RHBDF2: variants seen among roughly 807,000 people sequenced by gnomAD.
RHBDF2 encodes the protein inactive rhomboid protein 2.
RHBDF2 carries 38 observed loss-of-function variants against 95.2 expected under a neutral mutation model. The ratio of observed to expected loss-of-function variants is 0.40; its 90% CI spans 0.31 to 0.52. The LOEUF is 0.52. Ranked by LOEUF, RHBDF2 falls within the 20% of genes least tolerant of loss-of-function variation. The pLI is 0.56. For synonymous variants in RHBDF2, 442 were observed against 462.0 expected, an observed-to-expected ratio of 0.96 and a Z score of 0.55; for missense variants, 863 against 1,137.7, an observed-to-expected ratio of 0.76 and a Z score of 3.47.
At chr17:76,489,473 G>A (rs183271304) in intron 1 of RHBDF2, among the ~76,000 whole-genome samples, 13 of 152,084 alleles carry the variant, frequency 8.5e-5, no homozygotes, top group South Asian at 4.2e-4. Context: ...ACAGACGCCC[G>A]CCACCACACC....
At chr17:76,489,328 T>TTG (rs891025933) in intron 1 of RHBDF2, among the ~76,000 whole-genome samples, 5 of 149,200 alleles carry the variant, frequency 3.4e-5, no homozygotes, top group South Asian at 4.3e-4. Context: ...CATTCCTGTT[T>TTG]TTTTTTTTTT....
intron 1 of RHBDF2, among the ~76,000 whole-genome samples, chr17:76,490,526 G>C (rs2074269469): frequency 6.6e-6 from 1 of 152,182 alleles, no homozygotes; most frequent in South Asian, 2.1e-4. Flanking sequence ...CACCAAGAGG[G>C]CATGGGGAGG....
At chr17:76,490,448 G>A (rs1319413175) in intron 1 of RHBDF2, among the ~76,000 whole-genome samples, 1 of 152,144 alleles carries the variant, frequency 6.6e-6, no homozygotes, top group African/African-American at 2.4e-5. Flanking sequence ...GACAGCTCCA[G>A]GACAACAGCC....
At chr17:76,477,583 T>A in intron 7 of RHBDF2, 74 bp downstream of exon 7, 2 of 1,517,378 alleles carry the variant, frequency 1.3e-6, no homozygotes, top group Non-Finnish European at 1.8e-6. Context: ...CTGAATATGA[T>A]CAATGCCAAG....
chr17:76,497,688 C>G (rs1191466195), intron 1 of RHBDF2, among the ~76,000 whole-genome samples: 1 of 152,224 alleles, frequency 6.6e-6, no homozygotes, highest in Non-Finnish European at 1.5e-5. Flanking sequence ...GAGTCCTCAC[C>G]TCACACAACC....
At chr17:76,493,787 G>T (rs1430238578) in intron 1 of RHBDF2, among the ~76,000 whole-genome samples, 1 of 152,236 alleles carries the variant, frequency 6.6e-6, no homozygotes, top group African/African-American at 2.4e-5. Flanking sequence ...CTGATGGAGA[G>T]AAACAAAACG....
intron 1 of RHBDF2, among the ~76,000 whole-genome samples, chr17:76,500,545 C>A (rs752651478): frequency 6.6e-6 from 1 of 152,156 alleles, no homozygotes; most frequent in Non-Finnish European, 1.5e-5. Flanking sequence ...AGCTCCCCAC[C>A]GCCTTCTGCT....
intron 2 of RHBDF2, among the ~76,000 whole-genome samples, chr17:76,485,195 G>T (rs1044557520): frequency 6.6e-6 from 1 of 152,152 alleles, no homozygotes; most frequent in Non-Finnish European, 1.5e-5. Flanking sequence ...ATCACCTGAG[G>T]TCGGGAGTTC....
In RHBDF2 at chr17:76,481,435, G is replaced by A. The variant is rs1307359792; in HGVS notation, c.90C>T (p.Thr30=). Residue 30 remains threonine (T), a synonymous_variant, in exon 3 of 19, where the codon ACC becomes ACT. Coordinates refer to ENST00000675367, the MANE Select transcript of RHBDF2 (RefSeq NM_001005498.4). ...QSRKPPNLSI[T]IPPPEKETQA... is the part of the protein sequence containing the mutation. Reference sequence around the variant, plus strand: ...GGGTCTCTTTCTCGGGTGGCGGGATGGTGATGGAGAGGTTGGGTGGCTTCC... The same window carrying A: ...GGGTCTCTTTCTCGGGTGGCGGGATAGTGATGGAGAGGTTGGGTGGCTTCC... 1 of 1,612,856 alleles carries A rather than the reference G, an allele frequency of 6.2e-7. No homozygotes were observed. The highest frequency in any genetic ancestry group is 8.5e-7 in the Non-Finnish European group (1 of 1,180,036).
chr17:76,485,695 G>A (rs981384959), intron 2 of RHBDF2, among the ~76,000 whole-genome samples: 8 of 152,278 alleles, frequency 5.3e-5, no homozygotes, highest in African/African-American at 1.4e-4. Context: ...CTGCAGAGCC[G>A]GAGCAGGAAA....
At position 76,472,832 on chromosome 17, in the gene RHBDF2, G is replaced by A. The variant is rs2073630578; in HGVS notation, c.1918C>T (p.His640Tyr). 5.0e-6 allele frequency: 8 copies of A among 1,591,266 alleles called. No individual in the cohort carries two copies. The highest frequency in any genetic ancestry group is 1.3e-5 in the African/African-American group (1 of 74,588). ...TGAAAGACCACAGACACGAGGCAGT[G>A]CACCACGCTGGGGGAGGGACACACC... ...LSLFLHAGVV[H>Y]CLVSVVFQMT... is the part of the protein sequence containing the mutation. Residue 640 changes from histidine to tyrosine, a missense_variant, in exon 18 of 19, where the codon CAC becomes TAC. Transcript: ENST00000675367.
At chr17:76,491,369 G>C (rs944771663) in intron 1 of RHBDF2, among the ~76,000 whole-genome samples, 4 of 152,322 alleles carry the variant, frequency 2.6e-5, no homozygotes, top group African/African-American at 7.2e-5. Flanking sequence ...CTCCTGATGA[G>C]AGAGGCTCCC....
intron 1 of RHBDF2, chr17:76,501,103 T>A (rs2074567861): frequency 6.6e-6 from 1 of 152,240 alleles, no homozygotes; most frequent in Admixed American, 6.5e-5. Flanking sequence ...TTAGGCGTCC[T>A]GTCCGAGCCG....
intron 2 of RHBDF2, among the ~76,000 whole-genome samples, chr17:76,483,611 T>C (rs1274014066): frequency 6.6e-6 from 1 of 152,176 alleles, no homozygotes; most frequent in Non-Finnish European, 1.5e-5. Context: ...TTTTGATGAA[T>C]GCAAAGATTT....
chr17:76,484,211 C>T (rs570007793), intron 2 of RHBDF2, among the ~76,000 whole-genome samples: 50 of 152,082 alleles, frequency 3.3e-4, no homozygotes, highest in Non-Finnish European at 6.8e-4. Flanking sequence ...TGCAGTGAGC[C>T]GAGATTGCAC....
Position 76,474,058 on chromosome 17 carries a change from C to G in RHBDF2, c.1549G>C (p.Gly517Arg), listed in dbSNP as rs748900406. 3 of 1,613,212 alleles carry G rather than the reference C, an allele frequency of 1.9e-6. No individual in the cohort carries two copies. The highest frequency in any genetic ancestry group is 2.5e-6 in the Non-Finnish European group (3 of 1,179,970). ...KSDLGQKRTSGAVCHQDPRTC... is the reference protein window; with the variant it reads ...KSDLGQKRTSRAVCHQDPRTC... ...CTGGGGTCCTGGTGGCAGACAGCCC[C>G]CGAAGTCCGCTTCTGGCCCAGATCA... Residue 517 changes from glycine (G) to arginine (R), a missense_variant, in exon 13 of 19, where the codon GGG (glycine) becomes CGG (arginine). Physicochemically the swap from Gly to Arg is moderately radical, Grantham distance 125. Around this residue, in one of 2 missense-constraint regions of RHBDF2, gnomAD observed 611 missense variants for 725.5 expected, o/e 0.84. Transcript: ENST00000675367.
chr17:76,492,601 C>T (rs1327055755), intron 1 of RHBDF2, among the ~76,000 whole-genome samples: 3 of 152,208 alleles, frequency 2.0e-5, no homozygotes, highest in Non-Finnish European at 4.4e-5. Flanking sequence ...AGCCCACTGC[C>T]CCTCCCAACT....
chr17:76,486,718 T>TATAAATATAAATAAATAAATAAATAA (rs2074138839), intron 2 of RHBDF2, among the ~76,000 whole-genome samples: 1 of 146,134 alleles, frequency 6.8e-6, no homozygotes, highest in Non-Finnish European at 1.5e-5. Flanking sequence ...TGTCTCAAAA[T>TATAAATATAAATAAATAAATAAATAA]ATAAATAAAT....
At chr17:76,494,108 CTG>C (rs138541917) in intron 1 of RHBDF2, among the ~76,000 whole-genome samples, 5 of 151,812 alleles carry the variant, frequency 3.3e-5, no homozygotes, top group Admixed American at 6.6e-5. Flanking sequence ...AGGTGTGAAC[CTG>C]TGTGTGTGTG....
Sources: gnomAD v4.1 joint callset for allele counts (sites outside exome capture counted in the v4.1 genomes callset) on GRCh38, gnomAD v4.1.1 for gene constraint, gnomAD v4.1.1 regional missense constraint, MANE v1.5 for transcripts, NCBI Gene and HGNC (gene_info 2026-07-23, HGNC 2026-07-21) for gene names.